SLC24A3: variants seen among roughly 807,000 people sequenced by gnomAD.
SLC24A3 encodes the protein solute carrier family 24 member 3.
SLC24A3 carries 28 observed loss-of-function variants against 75.8 expected under a neutral mutation model. The ratio of observed to expected loss-of-function variants is 0.37; its 90% CI spans 0.27 to 0.51. The LOEUF (loss-of-function observed/expected upper bound fraction) is 0.51. Ranked by LOEUF, SLC24A3 falls within the 20% of genes least tolerant of loss-of-function variation. The pLI is 0.94. For synonymous variants in SLC24A3, 372 were observed against 334.1 expected (o/e 1.11, Z -1.24); for missense variants, 663 against 847.8 (o/e 0.78, Z 2.71).
chr20:19,585,319 C>A, intron 5 of SLC24A3, 122 bp from the exon 6 acceptor site: 1 of 965,654 alleles, frequency 1.0e-6, no homozygotes, highest in Non-Finnish European at 1.6e-6. Flanking sequence ...AAGCTCTCTC[C>A]ACCCCTCAGC....
At chr20:19,539,526 T>C (rs545015456) in intron 3 of SLC24A3, among the ~76,000 whole-genome samples, 2 of 152,280 alleles carry the variant, frequency 1.3e-5, no homozygotes, top group Admixed American at 6.5e-5. Flanking sequence ...GTAAGCACTA[T>C]ATTTATTTTT....
Position 19,640,392 on chromosome 20 carries a change from A to AT in SLC24A3, c.613-13663dup, listed in dbSNP as rs1370907583. Among the ~76,000 whole-genome samples, 24 of 152,176 alleles carry AT rather than the reference A, an allele frequency of 1.6e-4. No individual in the cohort carries two copies. The South Asian group carries it at 3.5e-3, about 22-fold the overall frequency. On this transcript the variant is annotated intron_variant, in intron 6 of 16. Coordinates refer to ENST00000328041, the MANE Select transcript of SLC24A3 (RefSeq NM_020689.4). Reference sequence around the variant, plus strand: ...GGGGTGAGGCAAGGAGGGGCCAGAGATTTTTTTACTTTTATTTTATACTCA... The same window carrying AT: ...GGGGTGAGGCAAGGAGGGGCCAGAGATTTTTTTTACTTTTATTTTATACTCA...
At chr20:19,366,784 G>T (rs372189484) in intron 2 of SLC24A3, among the ~76,000 whole-genome samples, 2 of 151,978 alleles carry the variant, frequency 1.3e-5, no homozygotes, top group Non-Finnish European at 1.5e-5. Flanking sequence ...GAAATGAAGC[G>T]TGCAAAATAT....
At chr20:19,251,836 C>T (rs761802822) in intron 1 of SLC24A3, among the ~76,000 whole-genome samples, 3 of 152,166 alleles carry the variant, frequency 2.0e-5, no homozygotes, top group African/African-American at 4.8e-5. Flanking sequence ...CCAGGGCAGC[C>T]GGGGTCCCCA....
chr20:19,631,737 AT>A (rs2031935802), intron 6 of SLC24A3, among the ~76,000 whole-genome samples: 1 of 152,096 alleles, frequency 6.6e-6, no homozygotes, highest in East Asian at 1.9e-4. Flanking sequence ...AGGTAAAAAA[AT>A]CTTAAACCAT....
intron 15 of SLC24A3, 98 bp downstream of exon 15, chr20:19,698,778 G>A: frequency 2.2e-6 from 2 of 911,494 alleles, no homozygotes; most frequent in Non-Finnish European, 1.7e-6. Context: ...GGAAAAAGGG[G>A]TGTAGAAATC....
At chr20:19,709,140 C>T (rs192284419) in intron 15 of SLC24A3, among the ~76,000 whole-genome samples, 1 of 152,306 alleles carries the variant, frequency 6.6e-6, no homozygotes, top group East Asian at 1.9e-4. Context: ...AGAGGACAGC[C>T]TCTGTCTCAG....
chr20:19,501,352 G>T (rs1234364796), intron 2 of SLC24A3, among the ~76,000 whole-genome samples: 5 of 152,064 alleles, frequency 3.3e-5, no homozygotes, highest in Non-Finnish European at 2.9e-5. Flanking sequence ...TTATGTAATG[G>T]CCGGACTTGG....
chr20:19,229,414 G>T (rs1981953567), intron 1 of SLC24A3, among the ~76,000 whole-genome samples: 3 of 151,826 alleles, frequency 2.0e-5, no homozygotes, highest in African/African-American at 7.3e-5. Context: ...TGAATGAAAT[G>T]CTTTATTTCC....
At chr20:19,239,131 A>C (rs1236771627) in intron 1 of SLC24A3, among the ~76,000 whole-genome samples, 1 of 151,590 alleles carries the variant, frequency 6.6e-6, no homozygotes, top group African/African-American at 2.4e-5. Context: ...AAAAAAAAAA[A>C]AAAAAAACAA....
At chr20:19,402,813 G>A (rs1409104928) in intron 2 of SLC24A3, among the ~76,000 whole-genome samples, 1 of 152,150 alleles carries the variant, frequency 6.6e-6, no homozygotes, top group African/African-American at 2.4e-5. Context: ...AATATGGGAT[G>A]CATTGAGCTT....
In SLC24A3 at chr20:19,266,740, A is replaced by G. The variant is rs190628018; in HGVS notation, c.143-14219A>G. Among the ~76,000 whole-genome samples, 41 of 152,372 alleles carry G rather than the reference A, an allele frequency of 2.7e-4. No homozygotes were observed. The East Asian group carries it at 5.4e-3, about 20-fold the overall frequency. ...CAAATATATTAGATGTATGAAAAAT[A>G]CAAGTGTTCGGAGTATATCAACAGA... On this transcript the variant is annotated intron_variant, in intron 1 of 16. Coordinates refer to ENST00000328041, the MANE Select transcript of SLC24A3 (RefSeq NM_020689.4).
chr20:19,496,620 C>T (rs981342675), intron 2 of SLC24A3, among the ~76,000 whole-genome samples: 8 of 152,112 alleles, frequency 5.3e-5, no homozygotes, highest in East Asian at 1.9e-4. Flanking sequence ...TGAGCATTCC[C>T]GTGAAAGCCA....
chr20:19,599,400 G>A (rs1359415723), intron 6 of SLC24A3, among the ~76,000 whole-genome samples: 2 of 151,746 alleles, frequency 1.3e-5, no homozygotes, highest in Non-Finnish European at 2.9e-5. Context: ...CTGGCGGACG[G>A]CGTGTGTGAT....
intron 2 of SLC24A3, among the ~76,000 whole-genome samples, chr20:19,355,934 T>G (rs1260315030): frequency 6.6e-6 from 1 of 152,206 alleles, no homozygotes; most frequent in Non-Finnish European, 1.5e-5. Context: ...ACATTTGGGT[T>G]AGAAGTTATT....
chr20:19,630,550 C>A (rs1236080844), intron 6 of SLC24A3, among the ~76,000 whole-genome samples: 5 of 152,194 alleles, frequency 3.3e-5, no homozygotes, highest in African/African-American at 1.2e-4. Context: ...GATCTAAATT[C>A]TAGTTCTAGA....
chr20:19,262,909 C>T (rs956073039), intron 1 of SLC24A3, among the ~76,000 whole-genome samples: 1 of 151,810 alleles, frequency 6.6e-6, no homozygotes, highest in Non-Finnish European at 1.5e-5. Context: ...ATATTTGCCC[C>T]GAGCCATTTG....
intron 2 of SLC24A3, among the ~76,000 whole-genome samples, chr20:19,375,272 G>A (rs946223094): frequency 1.3e-5 from 2 of 152,204 alleles, no homozygotes; most frequent in African/African-American, 4.8e-5. Context: ...GGCAGGCTAT[G>A]TCCCGATGCT....
chr20:19,443,492 G>A (rs1427423752), intron 2 of SLC24A3, among the ~76,000 whole-genome samples: 1 of 152,114 alleles, frequency 6.6e-6, no homozygotes, highest in Admixed American at 6.5e-5. Context: ...CTGGTAGTAG[G>A]AAAGCAATTG....
Sources: allele counts gnomAD v4.1 joint callset (sites outside exome capture counted in the v4.1 genomes callset), GRCh38; gene constraint gnomAD v4.1.1; transcripts MANE v1.5; gene names NCBI Gene and HGNC (gene_info 2026-07-23, HGNC 2026-07-21).